The following LYPD6B variants were observed in gnomAD, a reference collection of about 807,000 sequenced individuals.
LYPD6B encodes the protein LY6/PLAUR domain containing 6B.
A neutral mutation model predicts 22.8 loss-of-function variants in LYPD6B; 17 were observed. The ratio of observed to expected loss-of-function variants is 0.75; its 90% confidence interval spans 0.51 to 1.12. The LOEUF is 1.12. Ranked by LOEUF, LYPD6B falls within the 50% of genes most tolerant of loss-of-function variation. The pLI, the probability that LYPD6B is intolerant of heterozygous loss-of-function variation, is 0.00. For synonymous variants in LYPD6B, 106 were observed against 91.6 expected, an observed-to-expected ratio of 1.16 and a Z score of -0.90; for missense variants, 221 against 258.3, an observed-to-expected ratio of 0.86 and a Z score of 0.99.
intron 1 of LYPD6B, among the ~76,000 whole-genome samples, chr2:149,046,500 TTTG>T (rs1039295453): frequency 1.2e-4 from 19 of 152,086 alleles, no homozygotes; most frequent in African/African-American, 4.6e-4. Flanking sequence ...TTGAGCTTTT[TTTG>T]TTGTTGTTGT....
At chr2:149,074,157 G>T (rs2105368860) in intron 1 of LYPD6B, among the ~76,000 whole-genome samples, 1 of 152,222 alleles carries the variant, frequency 6.6e-6, no homozygotes, top group East Asian at 1.9e-4. Flanking sequence ...CAGCTGGGGT[G>T]GGTCAATGTG....
chr2:149,214,856 G>A lies in LYPD6B; in HGVS notation c.*146G>A. On this transcript the variant is annotated 3_prime_UTR_variant, in exon 7 of 7. Transcript: ENST00000409642. ...CAAGGCGAAAGCCAGTGGTTTGCTT[G>A]GATAAAATGTTCCCGCATGAGGCCA... The A allele has an allele frequency of 1.2e-6, 1 of 861,866 alleles. No homozygotes were observed. The highest frequency in any genetic ancestry group is 1.9e-6 in the Non-Finnish European group (1 of 537,810). 53.4% of individuals were successfully genotyped at this position (861,866 alleles called of 1,614,324 possible).
chr2:149,056,968 C>T (rs1227217318), intron 1 of LYPD6B, among the ~76,000 whole-genome samples: 1 of 152,104 alleles, frequency 6.6e-6, no homozygotes, highest in African/African-American at 2.4e-5. Context: ...GAGCATACCC[C>T]ATCTATTTAA....
chr2:149,047,780 A>G (rs1370637057), intron 1 of LYPD6B, among the ~76,000 whole-genome samples: 1 of 152,264 alleles, frequency 6.6e-6, no homozygotes, highest in Non-Finnish European at 1.5e-5. Context: ...ATACAGTCCC[A>G]CAGCTCTTGG....
At chr2:149,146,133 C>T (rs921548242) in intron 2 of LYPD6B, among the ~76,000 whole-genome samples, 6 of 152,188 alleles carry the variant, frequency 3.9e-5, no homozygotes, top group South Asian at 2.1e-4. Flanking sequence ...GTCCTACCCT[C>T]GCAGAGCTTA....
At chr2:149,111,013 G>A (rs537099172) in intron 1 of LYPD6B, among the ~76,000 whole-genome samples, 2 of 152,260 alleles carry the variant, frequency 1.3e-5, no homozygotes, top group Non-Finnish European at 2.9e-5. Flanking sequence ...GGACACTACA[G>A]GTAAATGACG....
At chr2:149,089,276 G>A (rs1417241054) in intron 1 of LYPD6B, among the ~76,000 whole-genome samples, 3 of 152,186 alleles carry the variant, frequency 2.0e-5, no homozygotes, top group Non-Finnish European at 2.9e-5. Flanking sequence ...CAAAGTTGGG[G>A]TTGACTAACC....
chr2:149,115,313 G>A (rs1018114977), intron 1 of LYPD6B, among the ~76,000 whole-genome samples: 4 of 152,192 alleles, frequency 2.6e-5, no homozygotes, highest in Non-Finnish European at 5.9e-5. Context: ...TGCCACATCT[G>A]TAAATGGAAA....
intron 1 of LYPD6B, among the ~76,000 whole-genome samples, chr2:149,057,023 G>A (rs949031862): frequency 1.3e-5 from 2 of 152,156 alleles, no homozygotes; most frequent in African/African-American, 4.8e-5. Context: ...GCAAAGTCAA[G>A]CCTGTGTGCT....
intron 1 of LYPD6B, among the ~76,000 whole-genome samples, chr2:149,087,349 T>C (rs1190621992): frequency 6.6e-6 from 1 of 152,218 alleles, no homozygotes; most frequent in Non-Finnish European, 1.5e-5. Flanking sequence ...CTCCTTTTCT[T>C]CTGCAATTTT....
chr2:149,118,845 C>T (rs1687138636), intron 1 of LYPD6B, among the ~76,000 whole-genome samples: 2 of 152,154 alleles, frequency 1.3e-5, no homozygotes, highest in African/African-American at 4.8e-5. Flanking sequence ...TAATCTACTG[C>T]CTCTCACTGT....
intron 1 of LYPD6B, among the ~76,000 whole-genome samples, chr2:149,075,313 A>G: frequency 6.6e-6 from 1 of 152,208 alleles, no homozygotes; most frequent in East Asian, 1.9e-4. Context: ...GTAATAGAAA[A>G]ATGTAGACAC....
chr2:149,195,215 CCCAACCCATTGCTAAG>C, intron 3 of LYPD6B, among the ~76,000 whole-genome samples: 1 of 152,278 alleles, frequency 6.6e-6, no homozygotes, highest in East Asian at 1.9e-4. Flanking sequence ...GCCTTCTCTG[CCCAACCCATTGCTAAG>C]CAAGGAAGGA....
chr2:149,113,238 A>T (rs920375044), intron 1 of LYPD6B, among the ~76,000 whole-genome samples: 3 of 152,126 alleles, frequency 2.0e-5, no homozygotes, highest in Admixed American at 1.3e-4. Context: ...GTCATTATTT[A>T]TAGAGTTCCC....
chr2:149,167,059 T>A (rs116555772), intron 3 of LYPD6B, among the ~76,000 whole-genome samples: 2,349 of 152,220 alleles, frequency 0.015, 72 homozygotes, highest in African/African-American at 0.054. Flanking sequence ...TAAGTGTTTT[T>A]TTTTTTTCTC....
Position 149,107,303 on chromosome 2 carries a change from C to T in LYPD6B, c.-66-23580C>T, listed in dbSNP as rs73963486. Among the ~76,000 whole-genome samples, 1,072 of 152,208 alleles carry T rather than the reference C, an allele frequency of 7.0e-3. 16 individuals are homozygous for T. Among genetic ancestry groups the T allele is most frequent in the African/African-American group, 0.024 (984 of 41,526 alleles). On this transcript the variant is annotated intron_variant, in intron 1 of 6. Transcript: ENST00000409642. Reference sequence around the variant, plus strand: ...CACAGTGTGGATATGTGGGACAAAGCGATGTTTTACCTTCCTGGTGGGATG... The same window carrying T: ...CACAGTGTGGATATGTGGGACAAAGTGATGTTTTACCTTCCTGGTGGGATG...
At chr2:149,051,877 G>A (rs1683579239) in intron 1 of LYPD6B, among the ~76,000 whole-genome samples, 1 of 152,014 alleles carries the variant, frequency 6.6e-6, no homozygotes, top group South Asian at 2.1e-4. Flanking sequence ...TGTTGGCCAG[G>A]CTGGTCTGGA....
chr2:149,115,024 C>G (rs1030940701), intron 1 of LYPD6B, among the ~76,000 whole-genome samples: 5 of 152,188 alleles, frequency 3.3e-5, no homozygotes, highest in African/African-American at 1.2e-4. Flanking sequence ...ACTGCAGCCT[C>G]TGCCTCCAGG....
intron 2 of LYPD6B, among the ~76,000 whole-genome samples, chr2:149,139,725 A>G (rs371362355): frequency 6.6e-5 from 10 of 152,342 alleles, no homozygotes; most frequent in African/African-American, 2.2e-4. Context: ...CAAGGGGGCC[A>G]TGAAATAAAT....
Sources: gnomAD v4.1 joint callset for allele counts (sites outside exome capture counted in the v4.1 genomes callset) on GRCh38, gnomAD v4.1.1 for gene constraint, MANE v1.5 for transcripts, NCBI Gene and HGNC (gene_info 2026-07-23, HGNC 2026-07-21) for gene names.